The following PEBP4 variants were observed in gnomAD, a reference collection of about 807,000 sequenced individuals.
The protein encoded by PEBP4 is phosphatidylethanolamine-binding protein 4.
In PEBP4, 22 loss-of-function variants were observed where a neutral mutation model predicts 23.9. The ratio of observed to expected loss-of-function variants is 0.92; its 90% CI spans 0.66 to 1.31. The LOEUF is 1.31. Ranked by LOEUF, PEBP4 falls within the 40% of genes most tolerant of loss-of-function variation. The pLI, the probability that PEBP4 is intolerant of heterozygous loss-of-function variation, is 0.00. For missense variants in PEBP4, 324 were observed against 281.7 expected, an observed-to-expected ratio of 1.15 and a Z score of -1.07; for synonymous variants, 112 against 99.3, an observed-to-expected ratio of 1.13 and a Z score of -0.76.
chr8:22,916,589 C>T (rs974677219), intron 3 of PEBP4, among the ~76,000 whole-genome samples: 1 of 152,192 alleles, frequency 6.6e-6, no homozygotes, highest in Admixed American at 6.5e-5. Context: ...CTGAAAGGGC[C>T]GACAGTTTGG....
intron 4 of PEBP4, among the ~76,000 whole-genome samples, chr8:22,728,663 T>C (rs1361234855): frequency 2.0e-5 from 3 of 150,998 alleles, no homozygotes; most frequent in African/African-American, 4.9e-5. Context: ...AGTGGTACGA[T>C]CTTAGTTCAC....
chr8:22,866,718 C>T (rs190820404), intron 3 of PEBP4, among the ~76,000 whole-genome samples: 59 of 151,910 alleles, frequency 3.9e-4, no homozygotes, highest in Non-Finnish European at 7.9e-4. Flanking sequence ...AGGAAAAAAA[C>T]AGAATATATG....
In PEBP4 at chr8:22,727,160, T is replaced by C; in HGVS notation, c.403+15A>G. The C allele has an allele frequency of 1.2e-6, 2 of 1,613,744 alleles. No homozygotes were observed. Among genetic ancestry groups the C allele is most frequent in the East Asian group, 4.5e-5 (2 of 44,872 alleles). Reference sequence around the variant, plus strand: ...TGCCCTGGCTGGGGGAAGGGGTCCCTAGGGTCTTACTCACCTGATAACTCC... The same window carrying C: ...TGCCCTGGCTGGGGGAAGGGGTCCCCAGGGTCTTACTCACCTGATAACTCC... On this transcript the variant is annotated intron_variant, in intron 5 of 6. Transcript: ENST00000256404.
At chr8:22,889,159 T>C (rs766573351) in intron 3 of PEBP4, among the ~76,000 whole-genome samples, 6 of 152,268 alleles carry the variant, frequency 3.9e-5, no homozygotes, top group Admixed American at 2.6e-4. Context: ...AGACCTGGGT[T>C]TGACTTCTGA....
chr8:22,877,664 TCCCCA>T (rs1808151828), intron 3 of PEBP4, among the ~76,000 whole-genome samples: 2 of 3,676 alleles, frequency 5.4e-4, no homozygotes, highest in Non-Finnish European at 1.7e-3. Context: ...CCACCCCACC[TCCCCA>T]CCTCCCCCTC....
chr8:22,748,676 G>A (rs571157621), intron 4 of PEBP4, among the ~76,000 whole-genome samples: 1 of 152,182 alleles, frequency 6.6e-6, no homozygotes, highest in African/African-American at 2.4e-5. Context: ...GAGGGAGGGT[G>A]GGGAGGTGGG....
At chr8:22,806,616 A>G (rs1223497550) in intron 4 of PEBP4, among the ~76,000 whole-genome samples, 2 of 144,218 alleles carry the variant, frequency 1.4e-5, no homozygotes, top group African/African-American at 5.3e-5. Context: ...CTGTGTCTCA[A>G]AAAAAAAAAA....
chr8:22,906,166 A>G (rs1373358707), intron 3 of PEBP4, among the ~76,000 whole-genome samples: 1 of 152,076 alleles, frequency 6.6e-6, no homozygotes, highest in Non-Finnish European at 1.5e-5. Context: ...GGGACCCTAG[A>G]CACAGAAGTA....
intron 3 of PEBP4, among the ~76,000 whole-genome samples, chr8:22,850,217 C>T (rs1807523664): frequency 6.6e-6 from 1 of 152,060 alleles, no homozygotes; most frequent in South Asian, 2.1e-4. Flanking sequence ...CTTCTTACTG[C>T]AATGCCTCCC....
At chr8:22,732,547 T>C (rs963998563) in intron 4 of PEBP4, among the ~76,000 whole-genome samples, 2 of 152,082 alleles carry the variant, frequency 1.3e-5, no homozygotes, top group Non-Finnish European at 2.9e-5. Flanking sequence ...CCTGCACATG[T>C]ACCCCGGAAC....
chr8:22,926,346 T>A lies in PEBP4; in HGVS notation c.131+1238A>T, dbSNP rs1169121229. ...GAACAAAGTTTGTTACTTTTTGTTG[T>A]TGTTGTTGTTGTTGTTTAGGCAGGG... On this transcript the variant is annotated intron_variant, in intron 2 of 6. Transcript: ENST00000256404. 2.0e-5 allele frequency among the ~76,000 whole-genome samples: 3 copies of A among 151,944 alleles called. No homozygotes were observed. In the South Asian group the frequency reaches 6.2e-4, roughly 32 times the overall value.
At chr8:22,932,333 A>G (rs373906420), upstream of PEBP4, among the ~76,000 whole-genome samples, 1 of 152,194 alleles carries the variant, frequency 6.6e-6, no homozygotes, top group Non-Finnish European at 1.5e-5. Flanking sequence ...GAAATTGCCT[A>G]TGTGATGGTT....
upstream of PEBP4, among the ~76,000 whole-genome samples, chr8:22,929,695 G>A (rs1268539324): frequency 6.6e-6 from 1 of 152,144 alleles, no homozygotes; most frequent in Non-Finnish European, 1.5e-5. Context: ...GTGGAAACTG[G>A]GTTGAGTCCA....
intron 3 of PEBP4, among the ~76,000 whole-genome samples, chr8:22,890,282 C>T (rs1808467293): frequency 6.6e-6 from 1 of 152,214 alleles, no homozygotes; most frequent in African/African-American, 2.4e-5. Flanking sequence ...GACATCAGTT[C>T]AGTAGGTCTG....
intron 3 of PEBP4, among the ~76,000 whole-genome samples, chr8:22,837,180 G>A (rs546156617): frequency 3.8e-4 from 58 of 152,254 alleles, no homozygotes; most frequent in African/African-American, 1.3e-3. Flanking sequence ...ACCCTTGAGC[G>A]AGGTCTGCGC....
intron 4 of PEBP4, among the ~76,000 whole-genome samples, chr8:22,789,996 C>T (rs924956327): frequency 6.6e-6 from 1 of 152,198 alleles, no homozygotes; most frequent in Non-Finnish European, 1.5e-5. Flanking sequence ...AATGCCTCTT[C>T]TCTGGCCCCA....
intron 4 of PEBP4, among the ~76,000 whole-genome samples, chr8:22,766,850 C>T (rs557156291): frequency 8.5e-5 from 13 of 152,342 alleles, no homozygotes; most frequent in East Asian, 3.9e-4. Flanking sequence ...ACAGCACAGG[C>T]CTTGGAGGAA....
At chr8:22,733,446 T>C (rs777743814) in intron 4 of PEBP4, among the ~76,000 whole-genome samples, 16 of 152,076 alleles carry the variant, frequency 1.1e-4, no homozygotes, top group Non-Finnish European at 2.2e-4. Flanking sequence ...AGGTAAAGGC[T>C]CTTTGGCTGG....
At chr8:22,749,625 G>T (rs550485886) in intron 4 of PEBP4, among the ~76,000 whole-genome samples, 1 of 152,130 alleles carries the variant, frequency 6.6e-6, no homozygotes, top group South Asian at 2.1e-4. Context: ...CATCCAGGTG[G>T]GTAGCTGCGG....
Sources: gnomAD v4.1 joint callset for allele counts (sites outside exome capture counted in the v4.1 genomes callset) on GRCh38, gnomAD v4.1.1 for gene constraint, MANE v1.5 for transcripts, NCBI Gene and HGNC (gene_info 2026-07-23, HGNC 2026-07-21) for gene names.